RPS6KA6: variants seen among roughly 807,000 people sequenced by gnomAD.
The protein encoded by RPS6KA6 is ribosomal protein S6 kinase alpha-6.
A neutral mutation model predicts 65.4 loss-of-function variants in RPS6KA6; 27 were observed. The observed-to-expected ratio is 0.41, with a 90% confidence interval of 0.30 to 0.57. The LOEUF (loss-of-function observed/expected upper bound fraction) is 0.57. RPS6KA6 is among the 20% of genes least tolerant of loss of function. The pLI, the probability that RPS6KA6 is intolerant of heterozygous loss-of-function variation, is 0.24. For missense variants in RPS6KA6, 486 were observed against 555.6 expected (o/e 0.87, Z 1.26); for synonymous variants, 190 against 184.2 (o/e 1.03, Z -0.26).
At chrX:84,085,003 G>A (rs932322617) in intron 20 of RPS6KA6, among the ~76,000 whole-genome samples, 4 of 111,096 alleles carry the variant, frequency 3.6e-5, no homozygotes, top group Admixed American at 1.9e-4. Flanking sequence ...TTGCCTCTCC[G>A]CTTGCCTGTT....
intron 6 of RPS6KA6, among the ~76,000 whole-genome samples, chrX:84,139,383 C>T (rs1287129744): frequency 8.9e-6 from 1 of 111,904 alleles, no homozygotes; most frequent in African/African-American, 3.3e-5. Context: ...TTAACAAGGT[C>T]CTTTAAAGAC....
intron 16 of RPS6KA6, among the ~76,000 whole-genome samples, 155 bp downstream of exon 16, chrX:84,105,632 G>GA (rs200600575): frequency 0.061 from 6,736 of 109,534 alleles, 227 homozygotes; most frequent in East Asian, 0.2. Context: ...AGAATCATGG[G>GA]AAAAAAAAGA....
chrX:84,146,633 T>A (rs1447587631), intron 5 of RPS6KA6, among the ~76,000 whole-genome samples: 2 of 112,003 alleles, frequency 1.8e-5, no homozygotes, highest in African/African-American at 3.2e-5. Context: ...GTGGTCATTA[T>A]GAACAAGCAA....
At chrX:84,121,080 CA>C (rs1159068182) in intron 8 of RPS6KA6, among the ~76,000 whole-genome samples, 1 of 112,291 alleles carries the variant, frequency 8.9e-6, no homozygotes, top group African/African-American at 3.2e-5. Flanking sequence ...TCTTAGCAAA[CA>C]ATCTAAGTAT....
chrX:84,171,654 A>T (rs2035684981), intron 1 of RPS6KA6, among the ~76,000 whole-genome samples: 1 of 111,666 alleles, frequency 9.0e-6, no homozygotes, highest in African/African-American at 3.3e-5. Flanking sequence ...CACAGTATAG[A>T]GAACGTAATT....
intron 20 of RPS6KA6, among the ~76,000 whole-genome samples, chrX:84,088,620 T>C (rs2033979621): frequency 8.9e-6 from 1 of 112,245 alleles, no homozygotes; most frequent in Non-Finnish European, 1.9e-5. Flanking sequence ...AGGATCCCAC[T>C]TTAAGAAACA....
chrX:84,161,424 T>A (rs1162517477), intron 2 of RPS6KA6, among the ~76,000 whole-genome samples: 1 of 111,703 alleles, frequency 9.0e-6, no homozygotes, highest in Non-Finnish European at 1.9e-5. Flanking sequence ...TCTGAGAGTT[T>A]TGCATATCTG....
At chrX:84,106,600 A>G (rs925792868) in intron 14 of RPS6KA6, 113 bp from the exon 15 acceptor site, 11 of 570,641 alleles carry the variant, frequency 1.9e-5, no homozygotes, top group South Asian at 1.1e-4. Context: ...AATTCATTCT[A>G]CAGAAGTTTT....
chrX:84,175,767 T>C (rs113144659), intron 1 of RPS6KA6, among the ~76,000 whole-genome samples: 2,304 of 111,886 alleles, frequency 0.021, 30 homozygotes, highest in Non-Finnish European at 0.034. Flanking sequence ...ACATAATATA[T>C]TGTCCTTCAG....
chrX:84,163,519 G>C (rs1439552610), intron 2 of RPS6KA6, among the ~76,000 whole-genome samples: 3 of 105,030 alleles, frequency 2.9e-5, no homozygotes, highest in Non-Finnish European at 5.9e-5. Flanking sequence ...GGCGCCTGTA[G>C]TCCCAGCTAC....
chrX:84,187,751 C>T, intron 1 of RPS6KA6, 68 bp downstream of exon 1: 2 of 1,073,386 alleles, frequency 1.9e-6, no homozygotes, highest in Non-Finnish European at 1.3e-6. Context: ...CTCTCTCCGT[C>T]CCCAGCCAAG....
At chrX:84,186,167 C>T (rs990092423) in intron 1 of RPS6KA6, 1 of 490,369 alleles carries the variant, frequency 2.0e-6, no homozygotes, top group Admixed American at 3.0e-5. Context: ...ATACCTAAAA[C>T]ATACTGCAAA....
intron 3 of RPS6KA6, among the ~76,000 whole-genome samples, chrX:84,153,690 A>G (rs1256239619): frequency 9.0e-6 from 1 of 111,407 alleles, no homozygotes; most frequent in Non-Finnish European, 1.9e-5. Context: ...TCCTACACTT[A>G]TCTGATTCAC....
At chrX:84,131,468 A>G (rs1026365874) in intron 8 of RPS6KA6, among the ~76,000 whole-genome samples, 10 of 112,456 alleles carry the variant, frequency 8.9e-5, no homozygotes, top group African/African-American at 3.2e-4. Context: ...CATTTACAAA[A>G]GTAAATATAA....
chrX:84,110,373 T>C (rs1474346591), intron 12 of RPS6KA6, among the ~76,000 whole-genome samples: 2 of 112,086 alleles, frequency 1.8e-5, no homozygotes, highest in Non-Finnish European at 3.8e-5. Context: ...AGCCAGACAA[T>C]CAAGCTCTGC....
intron 20 of RPS6KA6, among the ~76,000 whole-genome samples, chrX:84,092,176 CAT>C (rs756182699): frequency 1.2e-4 from 13 of 110,949 alleles, no homozygotes; most frequent in Non-Finnish European, 1.7e-4. Context: ...ACATCCTGCA[CAT>C]GTTTCCCAGA....
Position 84,119,957 on chromosome X carries a change from A to G in RPS6KA6, c.717T>C (p.Tyr239=), listed in dbSNP as rs1256913153. ...TCCTATTTACTACTTCAGGAGCCATATACTCTACTGTACCACAAAATGAGT... is the reference window on the plus strand; with the variant it reads ...TCCTATTTACTACTTCAGGAGCCATGTACTCTACTGTACCACAAAATGAGT... ...KAYSFCGTVE[Y]MAPEVVNRRG... is the part of the protein sequence containing the mutation. The change falls in exon 9 of 22, where the codon TAT becomes TAC. Residue 239 remains tyrosine (Y), a synonymous_variant. Transcript: ENST00000262752. The G allele has an allele frequency of 4.2e-6, 5 of 1,195,469 alleles. No homozygotes were observed. The highest frequency in any genetic ancestry group is 5.7e-6 in the Non-Finnish European group (5 of 884,613).
chrX:84,064,364 C>A lies in RPS6KA6; in HGVS notation c.2151G>T (p.Lys717Asn). ...CAGGCTCTAGGACTGGTTGAAAGGT[C>A]TTGTGAGTCAGGGCAGAGTATGTTG... is the stretch of plus-strand genomic sequence containing the variant. Reference protein sequence around the residue: ...MVATYSALTHKTFQPVLEPVA... With the variant: ...MVATYSALTHNTFQPVLEPVA... The change falls in exon 22 of 22, where the codon AAG becomes AAT. Residue 717 changes from lysine to asparagine, a missense_variant. By Grantham distance (94) the Lys-to-Asn change is moderately conservative. Around this residue, in one of 3 missense-constraint regions of RPS6KA6, gnomAD observed 345 missense variants for 375.0 expected, o/e 0.92. Transcript: ENST00000262752. 1 of 1,206,501 alleles carries A rather than the reference C, an allele frequency of 8.3e-7. No homozygotes were observed. Among genetic ancestry groups the A allele is most frequent in the Non-Finnish European group, 1.1e-6 (1 of 893,129 alleles).
rs961238395 is a variant in RPS6KA6, at chrX:84,145,619, T to A, written c.422-62A>T. 2.4e-5 allele frequency: 14 copies of A among 593,736 alleles called. No individual in the cohort carries two copies. In the Admixed American group the frequency reaches 5.6e-4, roughly 24 times the overall value. The allele number at this position is 593,736 out of a possible 1,213,427, so 48.9% of individuals were successfully genotyped here. On this transcript the variant is annotated intron_variant, in intron 5 of 21. Transcript: ENST00000262752. The stretch of plus-strand genomic sequence containing the variant: ...CAAAGGCTTAAAAAGCTTAGTATGC[T>A]TTTAAATTAATATATGTTTAGAATT...
Sources: gnomAD v4.1 joint callset for allele counts (sites outside exome capture counted in the v4.1 genomes callset) on GRCh38, gnomAD v4.1.1 for gene constraint, gnomAD v4.1.1 regional missense constraint, MANE v1.5 for transcripts, NCBI Gene and HGNC (gene_info 2026-07-23, HGNC 2026-07-21) for gene names.